Variants in CALU observed in about 807,000 individuals in gnomAD.
CALU encodes IEF SSP 9302.
CALU carries 13 observed loss-of-function variants against 37.5 expected under a neutral mutation model. The observed-to-expected ratio is 0.35, with a 90% confidence interval of 0.23 to 0.55. The LOEUF is 0.55. Among genes scored for constraint, CALU ranks in the 20% least tolerant of loss-of-function variants. The pLI is 0.89. For missense variants in CALU, 282 were observed against 391.7 expected (o/e 0.72, Z 2.36); for synonymous variants, 114 against 133.8 (o/e 0.85, Z 1.02).
intron 2 of CALU, among the ~76,000 whole-genome samples, chr7:128,749,189 G>C (rs1800563814): frequency 6.6e-6 from 1 of 152,208 alleles, no homozygotes; most frequent in Non-Finnish European, 1.5e-5. Flanking sequence ...CCAAGTCTTT[G>C]ATGGGCTAAT....
chr7:128,763,250 G>T (rs918632846), intron 5 of CALU, among the ~76,000 whole-genome samples: 1 of 152,190 alleles, frequency 6.6e-6, no homozygotes, highest in South Asian at 2.1e-4. Context: ...TAGAAATTCG[G>T]CCGAGCATGG....
chr7:128,753,601 A>G (rs1331373201), intron 2 of CALU, among the ~76,000 whole-genome samples: 1 of 152,208 alleles, frequency 6.6e-6, no homozygotes, highest in Non-Finnish European at 1.5e-5. Context: ...CTCTGTTTTC[A>G]TGTAAAAATC....
At chr7:128,743,976 C>A (rs1385796763) in intron 1 of CALU, among the ~76,000 whole-genome samples, 1 of 152,096 alleles carries the variant, frequency 6.6e-6, no homozygotes, top group African/African-American at 2.4e-5. Context: ...GAGGCCGAGA[C>A]GGGAGAATCA....
At chr7:128,759,641 A>G (rs1180974383) in intron 4 of CALU, 151 bp from the exon 5 acceptor site, 1 of 564,398 alleles carries the variant, frequency 1.8e-6, no homozygotes, top group Non-Finnish European at 3.2e-6. Context: ...TTTTAACCAT[A>G]CAGACACACA....
intron 5 of CALU, among the ~76,000 whole-genome samples, chr7:128,761,762 C>G (rs915805105): frequency 1.3e-5 from 2 of 152,114 alleles, no homozygotes; most frequent in Non-Finnish European, 2.9e-5. Flanking sequence ...TTCAGATAAG[C>G]CCGTTTGTTT....
chr7:128,741,526 G>A (rs1020806346), intron 1 of CALU, among the ~76,000 whole-genome samples: 4 of 152,162 alleles, frequency 2.6e-5, no homozygotes, highest in African/African-American at 7.2e-5. Context: ...TGGTTCAGAC[G>A]AGTTTTATAG....
chr7:128,748,822 AG>A lies in CALU; in HGVS notation c.221+22del, dbSNP rs1447793922. ...AGGCTTGGGTAAGGTACCACCTCTC[AG>A]GGGTCTAGTGTGGGTAATGACATTC... On this transcript the variant is annotated intron_variant, in intron 2 of 6. Transcript: ENST00000249364. 1.3e-6 allele frequency: 2 copies of A among 1,533,100 alleles called. No homozygotes were observed. The highest frequency in any genetic ancestry group is 2.2e-5 in the South Asian group (2 of 89,352). 95.0% of individuals were successfully genotyped at this position (1,533,100 alleles called of 1,614,324 possible).
rs749617756 is a variant in CALU, at chr7:128,759,001, T to C, written c.546T>C (p.Pro182=). 11 of 1,613,866 alleles carry C rather than the reference T, an allele frequency of 6.8e-6. No individual in the cohort carries two copies. The highest frequency in any genetic ancestry group is 9.3e-6 in the Non-Finnish European group (11 of 1,179,902). Residue 182 remains proline, a synonymous_variant, in exon 4 of 7, where the codon CCT becomes CCC. Transcript: ENST00000249364. ...AGGAGTTCACAGCTTTCCTGCACCCTGAGGAGTATGACTACATGAAAGATA... is the reference window on the plus strand; with the variant it reads ...AGGAGTTCACAGCTTTCCTGCACCCCGAGGAGTATGACTACATGAAAGATA... ...TKEEFTAFLH[P]EEYDYMKDIV...
In CALU at chr7:128,752,729, G is replaced by A. The variant is rs139884336; in HGVS notation, c.222-1533G>A. 2.0e-5 allele frequency among the ~76,000 whole-genome samples: 3 copies of A among 152,278 alleles called. No individual in the cohort carries two copies. In the East Asian group the frequency reaches 5.8e-4, roughly 29 times the overall value. ...AGACGAAGTCTTGCTCTGTCACCTG[G>A]GCTGGAGTGCAGTGGCGCGATCTCA... On this transcript the variant is annotated intron_variant, in intron 2 of 6. Coordinates refer to ENST00000249364, the MANE Select transcript of CALU (RefSeq NM_001219.5).
At chr7:128,750,829 C>T (rs1800642891) in intron 2 of CALU, among the ~76,000 whole-genome samples, 1 of 152,116 alleles carries the variant, frequency 6.6e-6, no homozygotes, top group Admixed American at 6.6e-5. Flanking sequence ...AAATTCACGA[C>T]TTTTTGAAAT....
chr7:128,752,959 AG>A (rs1800735999), intron 2 of CALU, among the ~76,000 whole-genome samples: 1 of 152,092 alleles, frequency 6.6e-6, no homozygotes, highest in Non-Finnish European at 1.5e-5. Flanking sequence ...CAAAGTGCTG[AG>A]ATTATAGGCG....
chr7:128,743,681 C>G (rs1052633142), intron 1 of CALU, among the ~76,000 whole-genome samples: 2 of 152,072 alleles, frequency 1.3e-5, no homozygotes, highest in Non-Finnish European at 2.9e-5. Context: ...CCACCACACC[C>G]AGCTAATTTT....
In CALU at chr7:128,772,871, C is replaced by T. The variant is rs1294142182; in HGVS notation, c.*3704C>T. 4.6e-5 allele frequency among the ~76,000 whole-genome samples: 7 copies of T among 152,192 alleles called. No individual in the cohort carries two copies. The highest frequency in any genetic ancestry group is 7.3e-5 in the Non-Finnish European group (5 of 68,036). On this transcript the variant is annotated 3_prime_UTR_variant, in exon 7 of 7. Transcript: ENST00000249364. ...TACGGTAATCCTAAACTGGTCAAGT[C>T]TGAGACCTCACTGTTGGTAAATTCA...
At position 128,772,946 on chromosome 7, in the gene CALU, C is replaced by T. The variant is rs1172601489; in HGVS notation, c.*3779C>T. On this transcript the variant is annotated 3_prime_UTR_variant, in exon 7 of 7. Transcript: ENST00000249364. The stretch of plus-strand genomic sequence containing the variant: ...ACTGTCAGCAGAGGCCCCTCCATTA[C>T]TAGCAGGTGCTCCCAGCTGGAAAGG... 6.6e-6 allele frequency among the ~76,000 whole-genome samples: 1 copy of T among 152,202 alleles called. No individual in the cohort carries two copies. Among genetic ancestry groups the T allele is most frequent in the Non-Finnish European group, 1.5e-5 (1 of 68,032 alleles).
intron 2 of CALU, among the ~76,000 whole-genome samples, chr7:128,752,167 C>T (rs1800700418): frequency 6.6e-6 from 1 of 152,012 alleles, no homozygotes; most frequent in South Asian, 2.1e-4. Context: ...ACACACACAC[C>T]ATACCATATG....
intron 2 of CALU, among the ~76,000 whole-genome samples, chr7:128,751,789 C>T (rs1455491577): frequency 6.6e-6 from 1 of 152,144 alleles, no homozygotes; most frequent in African/African-American, 2.4e-5. Context: ...ATATTAGTCA[C>T]CCTTCTGGAG....
chr7:128,763,709 GTCT>G (rs1304538465), intron 5 of CALU, among the ~76,000 whole-genome samples: 1 of 152,130 alleles, frequency 6.6e-6, no homozygotes, highest in Non-Finnish European at 1.5e-5. Context: ...CTGTGAGTAA[GTCT>G]TCTTGGCTTT....
rs1801567687 is a variant in CALU, at chr7:128,771,631, T to C, written c.*2464T>C. The C allele has an allele frequency of 6.6e-6, 1 of 152,314 alleles. No homozygotes were observed. 9.4% of individuals were successfully genotyped at this position (152,314 alleles called of 1,614,324 possible). On this transcript the variant is annotated 3_prime_UTR_variant, in exon 7 of 7. Transcript: ENST00000249364. ...AAATGATTATTCTTTTCTCCCTGTT[T>C]TCTGGTATTTTCTAGCATCCTTCTC...
intron 1 of CALU, among the ~76,000 whole-genome samples, chr7:128,744,024 G>C (rs1246441157): frequency 2.0e-5 from 3 of 152,080 alleles, no homozygotes; most frequent in Non-Finnish European, 2.9e-5. Flanking sequence ...TGGACAACAT[G>C]GTGAAACCCT....
Sources: allele counts gnomAD v4.1 joint callset (sites outside exome capture counted in the v4.1 genomes callset), GRCh38; gene constraint gnomAD v4.1.1; transcripts MANE v1.5; gene names NCBI Gene and HGNC (gene_info 2026-07-23, HGNC 2026-07-21).